LHFPL3: variants seen among roughly 807,000 people sequenced by gnomAD.
LHFPL3 encodes the protein LHFPL tetraspan subfamily member 3.
A neutral mutation model predicts 19.3 loss-of-function variants in LHFPL3; 5 were observed. That is an observed-to-expected ratio of 0.26 (90% CI 0.14 to 0.54). The LOEUF is 0.54. Among genes scored for constraint, LHFPL3 ranks in the 20% least tolerant of loss-of-function variants. The pLI, the probability that LHFPL3 is intolerant of heterozygous loss-of-function variation, is 0.94. For synonymous variants in LHFPL3, 133 were observed against 126.2 expected (o/e 1.05, Z -0.36); for missense variants, 249 against 307.4 (o/e 0.81, Z 1.42).
At chr7:104,367,199 C>T (rs190398209) in intron 1 of LHFPL3, among the ~76,000 whole-genome samples, 37 of 152,292 alleles carry the variant, frequency 2.4e-4, no homozygotes, top group South Asian at 2.1e-3. Context: ...ACTAGAGAGA[C>T]AGTCTTAATG....
chr7:104,448,739 C>T (rs901160607), intron 1 of LHFPL3, among the ~76,000 whole-genome samples: 15 of 152,124 alleles, frequency 9.9e-5, no homozygotes, highest in Admixed American at 9.8e-4. Context: ...CACAGCACTC[C>T]ATGAATTGCT....
Position 104,330,700 on chromosome 7 carries a change from G to T in LHFPL3, c.445+1476G>T, listed in dbSNP as rs183596021. Among the ~76,000 whole-genome samples the T allele has an allele frequency of 1.5e-4, 23 of 152,238 alleles. No homozygotes were observed. In the East Asian group the frequency reaches 4.2e-3, roughly 28 times the overall value. On this transcript the variant is annotated intron_variant, in intron 1 of 2. Coordinates refer to ENST00000424859, the MANE Select transcript of LHFPL3 (RefSeq NM_199000.3). ...CACATACCATTATCTCCTGAACGGG[G>T]AGTTCTGCGTCTCCTTCTGCACCCC...
chr7:104,795,443 A>G (rs1790105363), intron 2 of LHFPL3, among the ~76,000 whole-genome samples: 1 of 152,182 alleles, frequency 6.6e-6, no homozygotes, highest in African/African-American at 2.4e-5. Context: ...ATGTTCATTA[A>G]GACAGCGATT....
intron 1 of LHFPL3, among the ~76,000 whole-genome samples, chr7:104,579,089 AT>A (rs1790403676): frequency 6.6e-6 from 1 of 152,142 alleles, no homozygotes; most frequent in Admixed American, 6.6e-5. Context: ...AACATTTTTA[AT>A]CTTGCTTTAT....
chr7:104,707,134 A>G (rs1048112786), intron 1 of LHFPL3, among the ~76,000 whole-genome samples: 1 of 152,224 alleles, frequency 6.6e-6, no homozygotes. Flanking sequence ...GTCAAACCCA[A>G]TATACGAATG....
intron 2 of LHFPL3, among the ~76,000 whole-genome samples, chr7:104,749,629 G>A (rs571186386): frequency 5.4e-4 from 83 of 152,384 alleles, no homozygotes; most frequent in African/African-American, 1.7e-3. Flanking sequence ...GTTGAATTAC[G>A]GCGTTTACGG....
intron 1 of LHFPL3, among the ~76,000 whole-genome samples, chr7:104,613,326 A>G (rs756635928): frequency 1.1e-4 from 16 of 152,170 alleles, no homozygotes; most frequent in Non-Finnish European, 2.2e-4. Context: ...TATCTGGTTT[A>G]AAAGCAACTT....
At chr7:104,727,998 G>A (rs905392999) in intron 1 of LHFPL3, among the ~76,000 whole-genome samples, 16 of 152,226 alleles carry the variant, frequency 1.1e-4, no homozygotes, top group East Asian at 5.8e-4. Flanking sequence ...AAGTAGGGGC[G>A]TGTCAATAAT....
At chr7:104,678,349 G>A (rs751157360) in intron 1 of LHFPL3, among the ~76,000 whole-genome samples, 18 of 152,090 alleles carry the variant, frequency 1.2e-4, no homozygotes, top group Admixed American at 7.9e-4. Flanking sequence ...CTTACCAAAC[G>A]TTGCTTTTTA....
rs114767323 is a variant in LHFPL3 at position 104,331,600 on chromosome 7, T to G, written c.445+2376T>G. On this transcript the variant is annotated intron_variant, in intron 1 of 2. Transcript: ENST00000424859. ...GGTTTTCAGGATTTTTCTAAAAAAATTAAGTCTCATTATACTAACAAAAAA... is the reference window on the plus strand; with the variant it reads ...GGTTTTCAGGATTTTTCTAAAAAAAGTAAGTCTCATTATACTAACAAAAAA... Among the ~76,000 whole-genome samples the G allele has an allele frequency of 7.4e-3, 1,125 of 152,286 alleles. 15 individuals carry two copies. Among genetic ancestry groups the G allele is most frequent in the African/African-American group, 0.025 (1,058 of 41,558 alleles).
chr7:104,484,999 A>T (rs1793210621), intron 1 of LHFPL3, among the ~76,000 whole-genome samples: 1 of 152,184 alleles, frequency 6.6e-6, no homozygotes, highest in Admixed American at 6.5e-5. Flanking sequence ...AGCATAGCAG[A>T]GGGGCTCTCC....
chr7:104,389,876 T>C (rs1791030117), intron 1 of LHFPL3, among the ~76,000 whole-genome samples: 1 of 152,036 alleles, frequency 6.6e-6, no homozygotes, highest in African/African-American at 2.4e-5. Context: ...TCACCATCAA[T>C]TACACACCTA....
chr7:104,756,487 C>T (rs1028421498), intron 2 of LHFPL3, among the ~76,000 whole-genome samples: 8 of 151,898 alleles, frequency 5.3e-5, no homozygotes, highest in East Asian at 3.9e-4. Flanking sequence ...ATTTTAAGCA[C>T]GACAATTTTA....
At chr7:104,360,668 G>T (rs1222631800) in intron 1 of LHFPL3, among the ~76,000 whole-genome samples, 2 of 137,014 alleles carry the variant, frequency 1.5e-5, no homozygotes, top group Admixed American at 1.4e-4. Context: ...ACAGTGAGTT[G>T]TTGGGTTTTT....
At chr7:104,658,052 C>T (rs543968929) in intron 1 of LHFPL3, among the ~76,000 whole-genome samples, 2 of 152,142 alleles carry the variant, frequency 1.3e-5, no homozygotes, top group Non-Finnish European at 2.9e-5. Context: ...ATAAAGTGCT[C>T]ATTAGAAAAA....
At chr7:104,890,814 G>A (rs539487582) in intron 2 of LHFPL3, among the ~76,000 whole-genome samples, 4 of 152,256 alleles carry the variant, frequency 2.6e-5, no homozygotes, top group Middle Eastern at 3.4e-3. Flanking sequence ...CCGGGAGGGG[G>A]CTATGAAGAG....
intron 1 of LHFPL3, among the ~76,000 whole-genome samples, chr7:104,491,299 C>A (rs1008930396): frequency 6.6e-6 from 1 of 152,096 alleles, no homozygotes; most frequent in Admixed American, 6.6e-5. Context: ...TTTGGGCAAG[C>A]TTTAGGGAAT....
At chr7:104,492,397 A>C (rs964104458) in intron 1 of LHFPL3, among the ~76,000 whole-genome samples, 1 of 152,228 alleles carries the variant, frequency 6.6e-6, no homozygotes, top group Admixed American at 6.5e-5. Flanking sequence ...AAAATGGTTG[A>C]GTTTCAAGCT....
intron 1 of LHFPL3, among the ~76,000 whole-genome samples, chr7:104,634,610 C>T (rs1480543621): frequency 6.6e-6 from 1 of 152,182 alleles, no homozygotes; most frequent in Non-Finnish European, 1.5e-5. Context: ...GAAACTCTCC[C>T]AGTCTTCTTC....
Sources: gnomAD v4.1 joint callset for allele counts (sites outside exome capture counted in the v4.1 genomes callset) on GRCh38, gnomAD v4.1.1 for gene constraint, MANE v1.5 for transcripts, NCBI Gene and HGNC (gene_info 2026-07-23, HGNC 2026-07-21) for gene names.